SLC7A6OS: variants seen among roughly 807,000 people sequenced by gnomAD.
SLC7A6OS encodes the protein solute carrier family 7 member 6 opposite strand, also known as probable RNA polymerase II nuclear localization protein SLC7A6OS.
A neutral mutation model predicts 34.3 loss-of-function variants in SLC7A6OS; 22 were observed. The ratio of observed to expected loss-of-function variants is 0.64; its 90% CI spans 0.46 to 0.92. The LOEUF (loss-of-function observed/expected upper bound fraction) is 0.92, where lower values mean the gene tolerates loss of function less well. SLC7A6OS is among the 40% of genes least tolerant of loss of function. The pLI, the probability that SLC7A6OS is intolerant of heterozygous loss-of-function variation, is 0.00. For synonymous variants in SLC7A6OS, 199 were observed against 165.0 expected, an observed-to-expected ratio of 1.21 and a Z score of -1.58; for missense variants, 434 against 407.7, an observed-to-expected ratio of 1.06 and a Z score of -0.56.
intron 2 of SLC7A6OS, among the ~76,000 whole-genome samples, chr16:68,308,278 G>A (rs548595266): frequency 5.9e-5 from 9 of 152,280 alleles, no homozygotes; most frequent in Middle Eastern, 3.4e-3. Flanking sequence ...GCATTAGTCT[G>A]GAATGTTTTG....
At position 68,304,219 on chromosome 16, in the gene SLC7A6OS, T is replaced by A; in HGVS notation, c.485A>T (p.Asp162Val). 6.2e-7 allele frequency: 1 copy of A among 1,614,180 alleles called. No individual in the cohort carries two copies. The highest frequency in any genetic ancestry group is 8.5e-7 in the Non-Finnish European group (1 of 1,180,016). ...CTCTACAGAATTGCAGAGGATCACATCTGGGTCAGATGTCTGTAAAGAAAC... is the reference window on the plus strand; with the variant it reads ...CTCTACAGAATTGCAGAGGATCACAACTGGGTCAGATGTCTGTAAAGAAAC... ...SAGSCKTSDP[D>V]VILCNSVELI... The change falls in exon 3 of 5, where the codon GAT becomes GTT. Residue 162 changes from aspartate (D) to valine (V), a missense_variant. Physicochemically the swap from Asp to Val is radical, Grantham distance 152 (BLOSUM62 -3). Coordinates refer to ENST00000263997, the MANE Select transcript of SLC7A6OS (RefSeq NM_032178.3).
rs183806849 is a variant in SLC7A6OS, at chr16:68,301,027, G to A, written c.*248C>T. On this transcript the variant is annotated 3_prime_UTR_variant, in exon 5 of 5. Transcript: ENST00000263997. ...CTAAAGAAACCTTCCTTTTTTCAAC[G>A]TTTTTTTTTCTTTCAAACTGTAGGG... 2.6e-6 allele frequency: 3 copies of A among 1,145,430 alleles called. No homozygotes were observed. Among genetic ancestry groups the A allele is most frequent in the Non-Finnish European group, 2.1e-6 (2 of 933,088 alleles). 71.0% of individuals were successfully genotyped at this position (1,145,430 alleles called of 1,614,324 possible). A position where few individuals can be genotyped will look rare whatever the true frequency, so the allele number is the denominator to read the frequency against.
intron 2 of SLC7A6OS, among the ~76,000 whole-genome samples, chr16:68,304,645 A>G (rs2043313744): frequency 6.6e-6 from 1 of 152,188 alleles, no homozygotes; most frequent in Non-Finnish European, 1.5e-5. Flanking sequence ...GTTGTGGTCA[A>G]GATTCTTATC....
At chr16:68,308,456 C>T (rs978405493) in intron 2 of SLC7A6OS, among the ~76,000 whole-genome samples, 6 of 151,360 alleles carry the variant, frequency 4.0e-5, no homozygotes, top group Middle Eastern at 3.2e-3. Flanking sequence ...GGCGAAACCC[C>T]GTCTCTACTA....
At chr16:68,308,714 G>A (rs929731494) in intron 2 of SLC7A6OS, among the ~76,000 whole-genome samples, 2 of 152,064 alleles carry the variant, frequency 1.3e-5, no homozygotes, top group African/African-American at 4.8e-5. Context: ...ATTGTTTTAA[G>A]TTGCAAAAAT....
At position 68,303,108 on chromosome 16, in the gene SLC7A6OS, A is replaced by G. The variant is rs1299022442; in HGVS notation, c.679-607T>C. ...GTAAAACCTTGTCTCTACTAAAAAT[A>G]CAAAAATTAGCCAGGCATGGTGGCA... On this transcript the variant is annotated intron_variant, in intron 3 of 4. Transcript: ENST00000263997. Among the ~76,000 whole-genome samples the G allele has an allele frequency of 2.0e-5, 3 of 152,120 alleles. No individual in the cohort carries two copies. The East Asian group carries it at 5.8e-4, about 29-fold the overall frequency.
rs2043264375 is a variant in SLC7A6OS, at chr16:68,301,115, A to G, written c.*160T>C. 1 of 1,361,718 alleles carries G rather than the reference A, an allele frequency of 7.3e-7. No homozygotes were observed. Among genetic ancestry groups the G allele is most frequent in the Admixed American group, 2.9e-5 (1 of 34,480 alleles). The allele number at this position is 1,361,718 out of a possible 1,614,324, so 84.4% of individuals were successfully genotyped here. A position where few individuals can be genotyped will look rare whatever the true frequency, so the allele number is the denominator to read the frequency against. Reference sequence around the variant, plus strand: ...GGAAAAGACTCACTCCCCTAACATAAGTTTTCACTGTGGTGGGATGGTGCC... The same window carrying G: ...GGAAAAGACTCACTCCCCTAACATAGGTTTTCACTGTGGTGGGATGGTGCC... On this transcript the variant is annotated 3_prime_UTR_variant, in exon 5 of 5. Transcript: ENST00000263997.
At position 68,298,373 on chromosome 16, in the gene SLC7A6OS, G is replaced by GT. The variant is rs1259904499; in HGVS notation, c.*2901dup. 4 of 152,620 alleles carry GT rather than the reference G, an allele frequency of 2.6e-5. No individual in the cohort carries two copies. Among genetic ancestry groups the GT allele is most frequent in the Non-Finnish European group, 4.4e-5 (3 of 68,064 alleles). 9.5% of individuals were successfully genotyped at this position (152,620 alleles called of 1,614,324 possible). ...GTCATCAAATAACCTGTTCCTCTCT[G>GT]TAAGGGCAGTGTGAGGGACTGCTGT... On this transcript the variant is annotated 3_prime_UTR_variant, in exon 5 of 5. Transcript: ENST00000263997.
chr16:68,304,054 A>C lies in SLC7A6OS; in HGVS notation c.650T>G (p.Val217Gly). The C allele has an allele frequency of 6.2e-7, 1 of 1,613,814 alleles. No individual in the cohort carries two copies. Among genetic ancestry groups the C allele is most frequent in the South Asian group, 1.1e-5 (1 of 91,064 alleles). The change falls in exon 3 of 5, where the codon GTG becomes GGG. Residue 217 changes from valine to glycine, a missense_variant. Physicochemically the swap from Val to Gly is moderately radical, Grantham distance 109. Transcript: ENST00000263997. ...CTCCCATTCTTGGCTGTAGGGCTGCACGGAGAGGATGTTCTCAATCCAGCC... is the reference window on the plus strand; with the variant it reads ...CTCCCATTCTTGGCTGTAGGGCTGCCCGGAGAGGATGTTCTCAATCCAGCC... ...TPGWIENILSVQPYSQEWELV... is the reference protein window; with the variant it reads ...TPGWIENILSGQPYSQEWELV...
At position 68,310,867 on chromosome 16, in the gene SLC7A6OS, C is replaced by A. The variant is rs1308794224; in HGVS notation, c.60G>T (p.Ala20=). The part of the protein sequence containing the change: ...RVKRKRSAEP[A]EALVLACKRL... ...GTTTACAAGCGAGCACAAGAGCCTC[C>A]GCCGGCTCCGCACTGCGCTTCCGCT... Residue 20 remains alanine, a synonymous_variant, in exon 1 of 5, where the codon GCG becomes GCT. Coordinates refer to ENST00000263997, the MANE Select transcript of SLC7A6OS (RefSeq NM_032178.3). The A allele has an allele frequency of 6.2e-7, 1 of 1,610,460 alleles. No individual in the cohort carries two copies. Among genetic ancestry groups the A allele is most frequent in the Admixed American group, 1.7e-5 (1 of 59,788 alleles).
At chr16:68,309,745 T>A (rs553962172) in intron 2 of SLC7A6OS, among the ~76,000 whole-genome samples, 1 of 152,232 alleles carries the variant, frequency 6.6e-6, no homozygotes, top group East Asian at 1.9e-4. Context: ...CTGCTCTATC[T>A]CTATTTTGCT....
Position 68,299,499 on chromosome 16 carries a change from G to A in SLC7A6OS, c.*1776C>T, listed in dbSNP as rs1294562251. 1 of 152,596 alleles carries A rather than the reference G, an allele frequency of 6.6e-6. No individual in the cohort carries two copies. Among genetic ancestry groups the A allele is most frequent in the Non-Finnish European group, 1.5e-5 (1 of 68,048 alleles). 9.5% of individuals were successfully genotyped at this position (152,596 alleles called of 1,614,324 possible). A position where few individuals can be genotyped will look rare whatever the true frequency, so the allele number is the denominator to read the frequency against. On this transcript the variant is annotated 3_prime_UTR_variant, in exon 5 of 5. Coordinates refer to ENST00000263997, the MANE Select transcript of SLC7A6OS (RefSeq NM_032178.3). Reference sequence around the variant, plus strand: ...GCCAGAGGATCCCTACAGCACTCAAGCTTCATGGTGGAATTAATTTCTGCC... The same window carrying A: ...GCCAGAGGATCCCTACAGCACTCAAACTTCATGGTGGAATTAATTTCTGCC...
chr16:68,308,449 G>T (rs953709600), intron 2 of SLC7A6OS, among the ~76,000 whole-genome samples: 1 of 151,346 alleles, frequency 6.6e-6, no homozygotes, highest in African/African-American at 2.4e-5. Flanking sequence ...CCAAGGTGGC[G>T]AAACCCCGTC....
At position 68,310,341 on chromosome 16, in the gene SLC7A6OS, G is replaced by C; in HGVS notation, c.465C>G (p.Ser155=). The part of the protein sequence containing the change: ...EGEPEAASAG[S]CKTSDPDVIL... ...CCTTCAGGGGCATACTCACTTTGCA[G>C]GAGCCTGCAGAGGCGGCTTCAGGTT... The change falls in exon 2 of 5, where the codon TCC becomes TCG. Residue 155 remains serine, a synonymous_variant. Coordinates refer to ENST00000263997, the MANE Select transcript of SLC7A6OS (RefSeq NM_032178.3). The C allele has an allele frequency of 3.1e-6, 5 of 1,600,040 alleles. No homozygotes were observed. The highest frequency in any genetic ancestry group is 4.3e-6 in the Non-Finnish European group (5 of 1,170,284).
At chr16:68,309,803 T>C (rs1190370297) in intron 2 of SLC7A6OS, among the ~76,000 whole-genome samples, 1 of 152,154 alleles carries the variant, frequency 6.6e-6, no homozygotes, top group African/African-American at 2.4e-5. Flanking sequence ...TCCTTGCAAG[T>C]ACCTAGCAGG....
At chr16:68,302,282 T>C (rs1178969641) in intron 4 of SLC7A6OS, 99 bp downstream of exon 4, 2 of 1,445,024 alleles carry the variant, frequency 1.4e-6, no homozygotes, top group African/African-American at 2.8e-5. Flanking sequence ...TGGCGCTCAA[T>C]GACAGAGAAG....
At chr16:68,304,279 G>T (rs1156550472) in intron 2 of SLC7A6OS, 47 bp from the exon 3 acceptor site, 3 of 1,539,596 alleles carry the variant, frequency 1.9e-6, no homozygotes, top group Non-Finnish European at 2.7e-6. Flanking sequence ...CCCAAAACAT[G>T]ATGTTCCAAG....
chr16:68,301,529 A>G (rs1032257504), intron 4 of SLC7A6OS, 124 bp from the exon 5 acceptor site: 4 of 694,170 alleles, frequency 5.8e-6, no homozygotes, highest in Non-Finnish European at 8.9e-6. Flanking sequence ...TGCTCAATAA[A>G]TAAAAAAGAA....
In SLC7A6OS at chr16:68,302,484, T is replaced by G; in HGVS notation, c.696A>C (p.Glu232Asp). The G allele has an allele frequency of 6.2e-7, 1 of 1,614,172 alleles. No homozygotes were observed. Among genetic ancestry groups the G allele is most frequent in the Non-Finnish European group, 8.5e-7 (1 of 1,180,032 alleles). ...CTTCATCGTCGTAAATGTCCTCTGG[T>G]TCTTGATCATCATTCACCTACACAT... ...QEWELVNDDQ[E>D]PEDIYDDEDD... The change falls in exon 4 of 5, where the codon GAA becomes GAC. Residue 232 changes from glutamate (E) to aspartate (D), a missense_variant. Glu to Asp is a conservative substitution (Grantham distance 45, BLOSUM62 2). Transcript: ENST00000263997.
Sources: gnomAD v4.1 joint callset for allele counts (sites outside exome capture counted in the v4.1 genomes callset) on GRCh38, gnomAD v4.1.1 for gene constraint, MANE v1.5 for transcripts, NCBI Gene and HGNC (gene_info 2026-07-23, HGNC 2026-07-21) for gene names.